ITGB6: variants seen among roughly 807,000 people sequenced by gnomAD.
ITGB6 encodes integrin beta-6.
ITGB6 carries 80 observed loss-of-function variants against 84.5 expected under a neutral mutation model. That is an observed-to-expected ratio of 0.95 (90% CI 0.79 to 1.14). The LOEUF (loss-of-function observed/expected upper bound fraction) is 1.14, where lower values mean the gene tolerates loss of function less well. ITGB6 is among the 50% of genes most tolerant of loss of function. The probability of loss-of-function intolerance (pLI) is 0.00; values close to 1 mark genes in which losing one functional copy is unlikely to be tolerated. For synonymous variants in ITGB6, 383 were observed against 354.9 expected, an observed-to-expected ratio of 1.08 and a Z score of -0.89; for missense variants, 1,006 against 968.0, an observed-to-expected ratio of 1.04 and a Z score of -0.52.
intron 7 of ITGB6, among the ~76,000 whole-genome samples, chr2:160,144,632 A>G (rs1684124191): frequency 6.6e-6 from 1 of 152,330 alleles, no homozygotes; most frequent in Non-Finnish European, 1.5e-5. Context: ...TGAAACTGCT[A>G]TCCTTGAAAA....
At chr2:160,145,842 C>A in intron 7 of ITGB6, among the ~76,000 whole-genome samples, 1 of 152,184 alleles carries the variant, frequency 6.6e-6, no homozygotes, top group East Asian at 1.9e-4. Context: ...TTCTGACCTG[C>A]AGAAGGGGCA....
intron 7 of ITGB6, among the ~76,000 whole-genome samples, chr2:160,145,115 G>T (rs557889167): frequency 6.6e-6 from 1 of 152,042 alleles, no homozygotes; most frequent in African/African-American, 2.4e-5. Context: ...ATTATAAATC[G>T]TTGTAATTAA....
At chr2:160,144,808 A>G (rs774171953) in intron 7 of ITGB6, among the ~76,000 whole-genome samples, 2 of 152,222 alleles carry the variant, frequency 1.3e-5, no homozygotes, top group Non-Finnish European at 2.9e-5. Context: ...GCATTTGGCT[A>G]TTAGGACAAG....
At chr2:160,106,913 T>C (rs541515014) in intron 14 of ITGB6, among the ~76,000 whole-genome samples, 4 of 152,336 alleles carry the variant, frequency 2.6e-5, no homozygotes, top group East Asian at 3.9e-4. Flanking sequence ...CAATGTAAGA[T>C]AATTGCTGTT....
chr2:160,149,937 C>T (rs890802947), intron 7 of ITGB6, among the ~76,000 whole-genome samples: 1 of 152,080 alleles, frequency 6.6e-6, no homozygotes, highest in Admixed American at 6.5e-5. Context: ...AACAAAGCCT[C>T]CAAGAAATAG....
intron 6 of ITGB6, among the ~76,000 whole-genome samples, chr2:160,170,488 T>G (rs1049284104): frequency 1.3e-5 from 2 of 152,204 alleles, no homozygotes; most frequent in Non-Finnish European, 2.9e-5. Context: ...TGCCAGTCCC[T>G]CCTTATCTCC....
At chr2:160,133,528 T>C (rs1463691463) in intron 10 of ITGB6, among the ~76,000 whole-genome samples, 8 of 152,050 alleles carry the variant, frequency 5.3e-5, no homozygotes, top group Non-Finnish European at 1.0e-4. Flanking sequence ...TATCCAGGAA[T>C]TGAACTCAGC....
At chr2:160,185,026 C>A (rs977319999) in intron 4 of ITGB6, among the ~76,000 whole-genome samples, 3 of 152,150 alleles carry the variant, frequency 2.0e-5, no homozygotes, top group Non-Finnish European at 4.4e-5. Flanking sequence ...CAATATCATA[C>A]TGAATGGGCA....
At chr2:160,177,374 G>A (rs1221777400) in intron 4 of ITGB6, among the ~76,000 whole-genome samples, 3 of 151,952 alleles carry the variant, frequency 2.0e-5, no homozygotes, top group Non-Finnish European at 4.4e-5. Flanking sequence ...AGACCATCCT[G>A]GCTAACACGG....
chr2:160,186,124 A>G (rs1685885745), intron 4 of ITGB6, among the ~76,000 whole-genome samples: 1 of 152,174 alleles, frequency 6.6e-6, no homozygotes, highest in South Asian at 2.1e-4. Context: ...GACAAATGGG[A>G]TCTAATTAAA....
At chr2:160,146,859 G>A (rs1445398170) in intron 7 of ITGB6, among the ~76,000 whole-genome samples, 1 of 152,158 alleles carries the variant, frequency 6.6e-6, no homozygotes, top group Admixed American at 6.5e-5. Context: ...CCAACACTTT[G>A]GGAGGCTGAG....
At chr2:160,179,943 C>CAAAAAAAAAAA (rs60463723) in intron 4 of ITGB6, among the ~76,000 whole-genome samples, 1 of 103,002 alleles carries the variant, frequency 9.7e-6, no homozygotes, top group African/African-American at 3.7e-5. Context: ...ACTAAAAATA[C>CAAAAAAAAAAA]AAAAAAAAAA....
intron 13 of ITGB6, 128 bp from the exon 14 acceptor site, chr2:160,107,973 T>C: frequency 1.3e-6 from 1 of 748,432 alleles, no homozygotes; most frequent in South Asian, 2.3e-5. Flanking sequence ...ATTTTCGCCT[T>C]GCTTAAATTT....
chr2:160,133,625 C>A (rs1324663776), intron 10 of ITGB6, among the ~76,000 whole-genome samples: 1 of 146,718 alleles, frequency 6.8e-6, no homozygotes, highest in African/African-American at 2.4e-5. Flanking sequence ...CCACACCACA[C>A]CTATTCCAAA....
chr2:160,193,368 G>A (rs1204005091), intron 4 of ITGB6, among the ~76,000 whole-genome samples: 1 of 152,060 alleles, frequency 6.6e-6, no homozygotes, highest in Non-Finnish European at 1.5e-5. Flanking sequence ...AACCAAAGAA[G>A]CCAAACACAT....
chr2:160,120,272 G>A (rs1682974323), intron 12 of ITGB6, among the ~76,000 whole-genome samples: 1 of 149,004 alleles, frequency 6.7e-6, no homozygotes, highest in African/African-American at 2.5e-5. Context: ...CAACCCAAAT[G>A]TCCAACAATG....
intron 14 of ITGB6, among the ~76,000 whole-genome samples, chr2:160,106,792 G>A (rs1295212843): frequency 1.3e-5 from 2 of 152,162 alleles, no homozygotes; most frequent in African/African-American, 4.8e-5. Flanking sequence ...TTTAGGAGTT[G>A]AAGGCATTGC....
chr2:160,153,302 A>C (rs1684498762), intron 7 of ITGB6, among the ~76,000 whole-genome samples: 1 of 152,244 alleles, frequency 6.6e-6, no homozygotes, highest in African/African-American at 2.4e-5. Flanking sequence ...CAACCATCTG[A>C]TCTTTGACAA....
At chr2:160,174,219 T>A in intron 4 of ITGB6, 80 bp from the exon 5 acceptor site, 1 of 1,060,400 alleles carries the variant, frequency 9.4e-7, no homozygotes, top group Non-Finnish European at 1.4e-6. Flanking sequence ...CTTAGCAACA[T>A]TCTCCTAAAT....
Sources: allele counts gnomAD v4.1 joint callset (sites outside exome capture counted in the v4.1 genomes callset), GRCh38; gene constraint gnomAD v4.1.1; transcripts MANE v1.5; gene names NCBI Gene and HGNC (gene_info 2026-07-23, HGNC 2026-07-21).